The following TULP2 variants were observed in gnomAD, a reference collection of about 807,000 sequenced individuals.
TULP2 encodes the protein TUB like protein 2, also known as tubby-related protein 2.
Under a neutral mutation model 60.3 loss-of-function variants are expected in TULP2, and 64 were observed. That is an observed-to-expected ratio of 1.06 (90% CI 0.87 to 1.31). The LOEUF is 1.31. Ranked by LOEUF, TULP2 falls within the 50% of genes most tolerant of loss-of-function variation. TULP2 has a pLI of 0.00. For missense variants in TULP2, 652 were observed against 667.0 expected, an observed-to-expected ratio of 0.98 and a Z score of 0.25; for synonymous variants, 267 against 265.4, an observed-to-expected ratio of 1.01 and a Z score of -0.06.
At chr19:48,895,258 G>A in intron 5 of TULP2, 96 bp from the exon 6 acceptor site, 2 of 1,570,928 alleles carry the variant, frequency 1.3e-6, no homozygotes, top group Non-Finnish European at 1.7e-6. Context: ...GAGTGGGTGC[G>A]GTCCTGAGCT....
chr19:48,896,000 A>C (rs1048707781), intron 4 of TULP2, among the ~76,000 whole-genome samples: 3 of 152,016 alleles, frequency 2.0e-5, no homozygotes, highest in Non-Finnish European at 4.4e-5. Flanking sequence ...CGGGCTCCGC[A>C]CGTAAAGAAT....
rs2037289115 is a variant in TULP2 at position 48,897,017 on chromosome 19, G to A, written c.84+328C>T. 6.6e-6 allele frequency among the ~76,000 whole-genome samples: 1 copy of A among 151,972 alleles called. No homozygotes were observed. Among genetic ancestry groups the A allele is most frequent in the Non-Finnish European group, 1.5e-5 (1 of 68,004 alleles). On this transcript the variant is annotated intron_variant, in intron 3 of 12. Coordinates refer to ENST00000221399, the MANE Select transcript of TULP2 (RefSeq NM_003323.3). The surrounding 1 kb of genome is among the most constrained non-coding windows in gnomAD (Gnocchi z 4.0). The stretch of plus-strand genomic sequence containing the variant: ...CGATTCTCCTGCCTCAGCCTCCCGA[G>A]TAGCTGGGATTACAGGCGCCTGCCA...
At chr19:48,884,154 T>C (rs2037159499) in intron 9 of TULP2, 108 bp from the exon 10 acceptor site, 2 of 864,554 alleles carry the variant, frequency 2.3e-6, no homozygotes, top group Non-Finnish European at 3.6e-6. Flanking sequence ...TCTAAGACTA[T>C]GTCCGAATGT....
chr19:48,881,193 CTTTTTTT>C, intron 12 of TULP2, 67 bp from the exon 13 acceptor site: 2 of 293,946 alleles, frequency 6.8e-6, no homozygotes, highest in East Asian at 7.0e-5. Flanking sequence ...AGAACTGAGA[CTTTTTTT>C]TTTTTTTTTT....
At chr19:48,882,355 G>T in intron 11 of TULP2, 152 bp from the exon 12 acceptor site, 1 of 778,478 alleles carries the variant, frequency 1.3e-6, no homozygotes. Flanking sequence ...TTCCCAGGAG[G>T]TTAGGCATTC....
intron 6 of TULP2, among the ~76,000 whole-genome samples, chr19:48,894,597 C>T (rs974807611): frequency 2.2e-4 from 33 of 152,170 alleles, no homozygotes; most frequent in Non-Finnish European, 4.4e-4. Flanking sequence ...GCCAAGATCA[C>T]GCCACTGCAC....
chr19:48,892,727 G>A (rs928125236), intron 6 of TULP2, among the ~76,000 whole-genome samples: 1 of 151,924 alleles, frequency 6.6e-6, no homozygotes, highest in Non-Finnish European at 1.5e-5. Context: ...TCCTGACCTC[G>A]TGATCCGCCC....
rs147344548 is a variant in TULP2, at chr19:48,887,956, G to A, written c.942C>T (p.Ser314=). 1,484 of 1,607,446 alleles carry A rather than the reference G, an allele frequency of 9.2e-4. 1 individual carries two copies. The highest frequency in any genetic ancestry group is 2.7e-3 in the Middle Eastern group (16 of 6,034). ...TTGGGCTGGCTTACTGCACCTGCAG[G>A]CTGTCAGAGGTCTCCAGGTAGAGGT... ...LYYLYLETSD[S]LQRFLLAGRK... is the part of the protein sequence containing the mutation. The change falls in exon 8 of 13, where the codon AGC becomes AGT. Residue 314 remains serine, a synonymous_variant. Transcript: ENST00000221399.
Position 48,892,515 on chromosome 19 carries a change from TG to T in TULP2, c.514+2482del, listed in dbSNP as rs371148187. Among the ~76,000 whole-genome samples, 246 of 134,296 alleles carry T rather than the reference TG, an allele frequency of 1.8e-3. 1 individual carries two copies. The highest frequency in any genetic ancestry group is 5.0e-3 in the African/African-American group (175 of 34,804). 88.1% of individuals were successfully genotyped at this position (134,296 alleles called of 152,430 possible). A position where few individuals can be genotyped will look rare whatever the true frequency, so the allele number is the denominator to read the frequency against. The stretch of plus-strand genomic sequence containing the variant: ...GCAGAACAGTTTTTCTTTTTTTTTT[TG>T]GGGGGGGGACGGAGTCTTGCTCTGT... On this transcript the variant is annotated intron_variant, in intron 6 of 12. Transcript: ENST00000221399.
chr19:48,888,105 AG>A lies in TULP2; in HGVS notation c.792del (p.Cys265AlafsTer21). On this transcript the variant is annotated frameshift_variant, in exon 8 of 13. Transcript: ENST00000221399. LOFTEE classifies it high-confidence loss of function. ...TCCATGTCCTCCTCCAGCCCAGGGC[AG>A]GGGGAGCGGATTGCCAAGGAGGCTT... ...RHEASLAIRS[P>X]CPGLEEDMEA... 6.2e-7 allele frequency: 1 copy of A among 1,614,198 alleles called. No individual in the cohort carries two copies. The highest frequency in any genetic ancestry group is 8.5e-7 in the Non-Finnish European group (1 of 1,180,026).
At position 48,888,145 on chromosome 19, in the gene TULP2, G is replaced by T; in HGVS notation, c.753C>A (p.Asp251Glu). Reference sequence around the variant, plus strand: ...CCAAGGAGGCTTCGTGCCTCATATGGTCGCTGTCCGTGCCACCCTCGCCTT... The same window carrying T: ...CCAAGGAGGCTTCGTGCCTCATATGTTCGCTGTCCGTGCCACCCTCGCCTT... ...ALKGEGGTDS[D>E]HMRHEASLAI... The change falls in exon 8 of 13, where the codon GAC becomes GAA. Residue 251 changes from aspartate (D) to glutamate (E), a missense_variant. Transcript: ENST00000221399. 1 of 1,614,180 alleles carries T rather than the reference G, an allele frequency of 6.2e-7. No individual in the cohort carries two copies. Among genetic ancestry groups the T allele is most frequent in the Non-Finnish European group, 8.5e-7 (1 of 1,180,026 alleles).
In TULP2 at chr19:48,881,015, T is replaced by C. The variant is rs115388116; in HGVS notation, c.1559A>G (p.Asn520Ser). 1,197 of 1,613,132 alleles carry C rather than the reference T, an allele frequency of 7.4e-4. 9 individuals are homozygous for C. In the African/African-American group the frequency reaches 0.011, roughly 14 times the overall value. The change falls in exon 13 of 13, where the codon AAT (asparagine) becomes AGT (serine). Residue 520 changes from asparagine to serine, a missense_variant. By Grantham distance (46) the Asn-to-Ser change is conservative. Coordinates refer to ENST00000221399, the MANE Select transcript of TULP2 (RefSeq NM_003323.3). ...GAGTTATTCAACAGCCAGCTTCTAA[T>C]TGAAACTGGACAAGCAGATGCTGAA... ...QAFSICLSSF[N>S]
chr19:48,886,476 A>G (rs1028074694), intron 8 of TULP2, among the ~76,000 whole-genome samples: 3 of 151,960 alleles, frequency 2.0e-5, no homozygotes, highest in Non-Finnish European at 2.9e-5. Context: ...GAGCACCCTC[A>G]CTTGCAATAT....
intron 6 of TULP2, among the ~76,000 whole-genome samples, chr19:48,889,942 G>A (rs111836272): frequency 0.18 from 27,831 of 151,916 alleles, 3,780 homozygotes; most frequent in African/African-American, 0.39. Flanking sequence ...AAGGGCGCAG[G>A]GACCTCTGCC....
At chr19:48,893,324 C>A (rs1212869695) in intron 6 of TULP2, among the ~76,000 whole-genome samples, 1 of 149,998 alleles carries the variant, frequency 6.7e-6, no homozygotes, top group Non-Finnish European at 1.5e-5. Flanking sequence ...GAGCTGAGAT[C>A]GCGCCATTGC....
At position 48,896,417 on chromosome 19, in the gene TULP2, G is replaced by A; in HGVS notation, c.211+13C>T. 3.1e-6 allele frequency: 5 copies of A among 1,596,120 alleles called. No homozygotes were observed. The highest frequency in any genetic ancestry group is 4.3e-6 in the Non-Finnish European group (5 of 1,174,322). On this transcript the variant is annotated intron_variant, in intron 4 of 12. Coordinates refer to ENST00000221399, the MANE Select transcript of TULP2 (RefSeq NM_003323.3). Reference sequence around the variant, plus strand: ...TCCCCTCCAGGCGAACGCCCCCAGGGGTCTTTGGTCACCTCTGTCACCTAA... The same window carrying A: ...TCCCCTCCAGGCGAACGCCCCCAGGAGTCTTTGGTCACCTCTGTCACCTAA...
chr19:48,892,519 G>A (rs149252614), intron 6 of TULP2, among the ~76,000 whole-genome samples: 10 of 150,588 alleles, frequency 6.6e-5, no homozygotes, highest in Non-Finnish European at 1.0e-4. Flanking sequence ...TTTTTTTGGG[G>A]GGGGGACGGA....
At chr19:48,881,862 C>T in intron 12 of TULP2, 170 bp downstream of exon 12, 1 of 877,022 alleles carries the variant, frequency 1.1e-6, no homozygotes, top group Non-Finnish European at 1.7e-6. Flanking sequence ...CTTACTAAGC[C>T]AGAAACCCTG....
intron 4 of TULP2, 40 bp downstream of exon 4, chr19:48,896,390 C>T (rs778418523): frequency 1.3e-6 from 2 of 1,563,374 alleles, no homozygotes; most frequent in East Asian, 2.3e-5. Context: ...CCCACAGGCC[C>T]CTCCCCTCCA....
Sources: allele counts gnomAD v4.1 joint callset (sites outside exome capture counted in the v4.1 genomes callset), GRCh38; gene constraint gnomAD v4.1.1; non-coding constraint Gnocchi (gnomAD v3.1); transcripts MANE v1.5; gene names NCBI Gene and HGNC (gene_info 2026-07-23, HGNC 2026-07-21).